CACNA1B: variants seen among roughly 807,000 people sequenced by gnomAD.
CACNA1B encodes calcium voltage-gated channel subunit alpha1 B.
CACNA1B carries 70 observed loss-of-function variants against 247.2 expected under a neutral mutation model. The observed-to-expected ratio is 0.28, with a 90% CI of 0.23 to 0.35. The LOEUF (loss-of-function observed/expected upper bound fraction) is 0.35, where lower values mean the gene tolerates loss of function less well. Among genes scored for constraint, CACNA1B ranks in the 10% least tolerant of loss-of-function variants. The probability of loss-of-function intolerance (pLI) is 1.00; values close to 1 mark genes in which losing one functional copy is unlikely to be tolerated. For missense variants in CACNA1B, 2,367 were observed against 3,197.4 expected (o/e 0.74, Z 6.26); for synonymous variants, 1,231 against 1,294.4 (o/e 0.95, Z 1.05).
At chr9:137,944,531 C>T (rs910023504) in intron 6 of CACNA1B, among the ~76,000 whole-genome samples, 2 of 152,320 alleles carry the variant, frequency 1.3e-5, no homozygotes, top group African/African-American at 2.4e-5. Flanking sequence ...AATAAGTCAT[C>T]TGCTTCCTGG....
rs779578761 is a variant in CACNA1B at position 138,115,543 on chromosome 9, C to T, written c.5650-9C>T. On this transcript the variant is annotated splice_polypyrimidine_tract_variant and intron_variant, in intron 41 of 46. Transcript: ENST00000371372. ...GGAGCTCTTTCCCTTCCCTTTGCCT[C>T]CTTTGCAGATGGGTCCTGTGTCCCT... 1 of 1,611,410 alleles carries T rather than the reference C, an allele frequency of 6.2e-7. No individual in the cohort carries two copies. The highest frequency in any genetic ancestry group is 1.1e-5 in the South Asian group (1 of 90,776).
chr9:137,920,984 A>C (rs1403734691), intron 6 of CACNA1B, among the ~76,000 whole-genome samples: 1 of 152,202 alleles, frequency 6.6e-6, no homozygotes. Context: ...AACTATTTTC[A>C]TACAAGTGGA....
chr9:138,041,785 C>T (rs1959126465), intron 20 of CACNA1B, among the ~76,000 whole-genome samples: 1 of 152,146 alleles, frequency 6.6e-6, no homozygotes, highest in Non-Finnish European at 1.5e-5. Flanking sequence ...GAGACAATCT[C>T]ATTCTGTCAC....
rs1471739139 is a variant in CACNA1B, at chr9:138,102,039, T to G, written c.5223-672T>G. On this transcript the variant is annotated intron_variant, in intron 37 of 46. Transcript: ENST00000371372. This position sits in a 1 kb window ranked among gnomAD's most constrained non-coding sequence, Gnocchi z 5.4. Reference sequence around the variant, plus strand: ...CCTCCCCCCTCCCGCAGTCTCCCATTTCCCACCCAGCCCTGAGCCCCAGCA... The same window carrying G: ...CCTCCCCCCTCCCGCAGTCTCCCATGTCCCACCCAGCCCTGAGCCCCAGCA... 6.6e-6 allele frequency among the ~76,000 whole-genome samples: 1 copy of G among 152,150 alleles called. No homozygotes were observed. Among genetic ancestry groups the G allele is most frequent in the Non-Finnish European group, 1.5e-5 (1 of 67,996 alleles).
chr9:137,883,155 G>A (rs1248174149), intron 3 of CACNA1B, among the ~76,000 whole-genome samples: 1 of 152,116 alleles, frequency 6.6e-6, no homozygotes, highest in African/African-American at 2.4e-5. Context: ...ACAGGCCAGG[G>A]GCCACCAGCT....
At chr9:137,991,386 AT>A (rs1049737991) in intron 15 of CACNA1B, among the ~76,000 whole-genome samples, 1 of 152,242 alleles carries the variant, frequency 6.6e-6, no homozygotes. Flanking sequence ...AGACAGAAGA[AT>A]TTCAAAAAAT....
chr9:138,046,675 A>G (rs954402568), intron 21 of CACNA1B, among the ~76,000 whole-genome samples: 2 of 152,234 alleles, frequency 1.3e-5, no homozygotes, highest in Non-Finnish European at 2.9e-5. Context: ...GAGGTTCTGC[A>G]GCCTTCCCCA....
At chr9:137,998,056 G>A (rs1958520446) in intron 15 of CACNA1B, among the ~76,000 whole-genome samples, 2 of 152,096 alleles carry the variant, frequency 1.3e-5, no homozygotes, top group African/African-American at 2.4e-5. Context: ...ACGTATAAAA[G>A]CTTGCACAGG....
At chr9:138,006,042 CAAAA>C (rs11288171) in intron 15 of CACNA1B, among the ~76,000 whole-genome samples, 1 of 67,796 alleles carries the variant, frequency 1.5e-5, no homozygotes. Context: ...GACTCCATGT[CAAAA>C]AAAAAAAAAA....
At position 138,122,879 on chromosome 9, in the gene CACNA1B, G is replaced by A. The variant is rs201560473; in HGVS notation, c.*880G>A. On this transcript the variant is annotated 3_prime_UTR_variant, in exon 47 of 47. Coordinates refer to ENST00000371372, the MANE Select transcript of CACNA1B (RefSeq NM_000718.4). Reference sequence around the variant, plus strand: ...GCACTGTGGTGTGAGGCGAGGCCTCGGGATCCATCACCGCAGGATGCTGTG... The same window carrying A: ...GCACTGTGGTGTGAGGCGAGGCCTCAGGATCCATCACCGCAGGATGCTGTG... 3.3e-5 allele frequency: 5 copies of A among 152,190 alleles called. No homozygotes were observed. Among genetic ancestry groups the A allele is most frequent in the Non-Finnish European group, 2.9e-5 (2 of 68,044 alleles). The allele number at this position is 152,190 out of a possible 1,614,324, so 9.4% of individuals were successfully genotyped here.
At chr9:137,906,584 G>T (rs1005497094) in intron 3 of CACNA1B, among the ~76,000 whole-genome samples, 40 of 150,204 alleles carry the variant, frequency 2.7e-4, no homozygotes, top group African/African-American at 9.6e-4. Flanking sequence ...ACATATGTGT[G>T]TCTCTGCATC....
intron 6 of CACNA1B, among the ~76,000 whole-genome samples, chr9:137,948,878 GGTGT>G (rs925812197): frequency 6.8e-6 from 1 of 147,866 alleles, no homozygotes; most frequent in African/African-American, 2.5e-5. Context: ...TAGTGTGTGT[GGTGT>G]GTGTGTCTGA....
Position 137,880,979 on chromosome 9 carries a change from TC to T in CACNA1B, c.391-1762del, listed in dbSNP as rs1341854000. 2.0e-5 allele frequency among the ~76,000 whole-genome samples: 3 copies of T among 152,218 alleles called. No individual in the cohort carries two copies. In the East Asian group the frequency reaches 5.8e-4, roughly 30 times the overall value. On this transcript the variant is annotated intron_variant, in intron 2 of 46. Transcript: ENST00000371372. The surrounding 1 kb of genome is among the most constrained non-coding windows in gnomAD (Gnocchi z 4.8). ...ACCAAGCTGCCTGCACACCCATCCC[TC>T]CCACCTAAGCCAGCCTTCAGCCATG...
intron 12 of CACNA1B, among the ~76,000 whole-genome samples, chr9:137,980,612 C>T (rs1349130916): frequency 6.6e-6 from 1 of 152,244 alleles, no homozygotes; most frequent in African/African-American, 2.4e-5. Flanking sequence ...ACGATCCTAT[C>T]ACCCAAGTAG....
chr9:138,056,695 A>C (rs945452399), intron 26 of CACNA1B, among the ~76,000 whole-genome samples: 2 of 152,210 alleles, frequency 1.3e-5, no homozygotes, highest in Non-Finnish European at 2.9e-5. Flanking sequence ...CCAGCAATGC[A>C]TGAGGGTTCT....
In CACNA1B at chr9:137,911,827, G is replaced by T. The variant is rs138953330; in HGVS notation, c.531-1353G>T. 3.0e-4 allele frequency among the ~76,000 whole-genome samples: 46 copies of T among 152,342 alleles called. No individual in the cohort carries two copies. In the East Asian group the frequency reaches 8.7e-3, roughly 29 times the overall value. On this transcript the variant is annotated intron_variant, in intron 3 of 46. Coordinates refer to ENST00000371372, the MANE Select transcript of CACNA1B (RefSeq NM_000718.4). ...CCTTCGCCAAGAACCCTGGATGCGCGTTAGAGGCAGAGCCAGCAGGATTGT... is the reference window on the plus strand; with the variant it reads ...CCTTCGCCAAGAACCCTGGATGCGCTTTAGAGGCAGAGCCAGCAGGATTGT...
At chr9:137,980,184 A>G (rs557270657) in intron 12 of CACNA1B, among the ~76,000 whole-genome samples, 2 of 152,312 alleles carry the variant, frequency 1.3e-5, no homozygotes, top group African/African-American at 4.8e-5. Context: ...ATGTCTCTGC[A>G]TATATGTCCT....
In CACNA1B at chr9:137,892,256, G is replaced by A. The variant is rs117371591; in HGVS notation, c.530+9373G>A. 8.2e-3 allele frequency: 3,738 copies of A among 456,800 alleles called. 28 individuals are homozygous for A. The highest frequency in any genetic ancestry group is 9.3e-3 in the Non-Finnish European group (2,113 of 226,996). The allele number at this position is 456,800 out of a possible 1,614,324, so 28.3% of individuals were successfully genotyped here. ...ATTTCCTTCTCAGTCCTGGAGGCTG[G>A]AGGTCCAAGATCAGGGTGTTGGCAG... is the stretch of plus-strand genomic sequence containing the variant. On this transcript the variant is annotated intron_variant, in intron 3 of 46. Coordinates refer to ENST00000371372, the MANE Select transcript of CACNA1B (RefSeq NM_000718.4).
chr9:137,915,380 G>C (rs1046399458), intron 5 of CACNA1B, among the ~76,000 whole-genome samples: 1 of 152,348 alleles, frequency 6.6e-6, no homozygotes, highest in South Asian at 2.1e-4. Context: ...GCTGGGGCCA[G>C]GGTGTTGTGA....
Sources: allele counts gnomAD v4.1 joint callset (sites outside exome capture counted in the v4.1 genomes callset), GRCh38; gene constraint gnomAD v4.1.1; non-coding constraint Gnocchi (gnomAD v3.1); transcripts MANE v1.5; gene names NCBI Gene and HGNC (gene_info 2026-07-23, HGNC 2026-07-21).